Variants in ENOX1 observed in about 807,000 individuals in gnomAD.
The protein encoded by ENOX1 is ecto-NOX disulfide-thiol exchanger 1.
In ENOX1, 42 loss-of-function variants were observed where a neutral mutation model predicts 82.5. The observed-to-expected ratio is 0.51, with a 90% CI of 0.40 to 0.66. The LOEUF is 0.66. Ranked by LOEUF, ENOX1 falls within the 30% of genes least tolerant of loss-of-function variation. The pLI is 0.00. For synonymous variants in ENOX1, 271 were observed against 282.2 expected (o/e 0.96, Z 0.40); for missense variants, 608 against 811.6 (o/e 0.75, Z 3.05).
At chr13:43,666,498 A>G (rs145483249) in intron 2 of ENOX1, among the ~76,000 whole-genome samples, 1 of 152,286 alleles carries the variant, frequency 6.6e-6, no homozygotes, top group East Asian at 1.9e-4. Context: ...AGACAGTGTA[A>G]AGACACAGGG....
intron 5 of ENOX1, among the ~76,000 whole-genome samples, chr13:43,377,369 T>C (rs967520297): frequency 6.6e-6 from 1 of 152,240 alleles, no homozygotes; most frequent in Non-Finnish European, 1.5e-5. Context: ...GCCCTTGGAC[T>C]TCCCAATCTC....
At chr13:43,643,123 G>A (rs956409769) in intron 2 of ENOX1, among the ~76,000 whole-genome samples, 2 of 152,066 alleles carry the variant, frequency 1.3e-5, no homozygotes, top group South Asian at 2.1e-4. Flanking sequence ...CTGTCCTGTC[G>A]CACAAATGTG....
rs150344606 is a variant in ENOX1, at chr13:43,433,246, G to C, written c.-74-20258C>G. ...ACATGTGTGAAGAGGCAAAACCTCA[G>C]GGGCATCCTTTTTATAATAACCCAC... On this transcript the variant is annotated intron_variant, in intron 3 of 16. Coordinates refer to ENST00000690772, the MANE Select transcript of ENOX1 (RefSeq NM_001347969.2). Among the ~76,000 whole-genome samples, 220 of 152,196 alleles carry C rather than the reference G, an allele frequency of 1.4e-3. 1 individual carries two copies. Among genetic ancestry groups the C allele is most frequent in the Non-Finnish European group, 2.3e-3 (154 of 68,004 alleles).
At chr13:43,230,788 A>T (rs1013409570) in intron 15 of ENOX1, among the ~76,000 whole-genome samples, 3 of 152,164 alleles carry the variant, frequency 2.0e-5, no homozygotes, top group African/African-American at 7.2e-5. Context: ...TATACAAAAG[A>T]TGGGAGTGGG....
chr13:43,559,975 C>T (rs910125381), intron 2 of ENOX1, among the ~76,000 whole-genome samples: 1 of 152,166 alleles, frequency 6.6e-6, no homozygotes, highest in African/African-American at 2.4e-5. Flanking sequence ...GTTGGCTTCC[C>T]TCCAACCATA....
intron 5 of ENOX1, among the ~76,000 whole-genome samples, chr13:43,388,230 A>G (rs1454187402): frequency 6.6e-6 from 1 of 152,220 alleles, no homozygotes; most frequent in Non-Finnish European, 1.5e-5. Context: ...AGAGAAATTT[A>G]TCTTGCTCAG....
chr13:43,278,095 C>A (rs1445421810), intron 12 of ENOX1, among the ~76,000 whole-genome samples: 1 of 152,200 alleles, frequency 6.6e-6, no homozygotes, highest in African/African-American at 2.4e-5. Context: ...TAAGCAAAAT[C>A]ATTGATAAAA....
In ENOX1 at chr13:43,434,950, T is replaced by G. The variant is rs1416685402; in HGVS notation, c.-74-21962A>C. ...TGTGTGTGTGTGGTTTTTTTTTTTTTTTTTTTTTTTTTGTATATCTATGTA... is the reference window on the plus strand; with the variant it reads ...TGTGTGTGTGTGGTTTTTTTTTTTTGTTTTTTTTTTTTGTATATCTATGTA... On this transcript the variant is annotated intron_variant, in intron 3 of 16. Transcript: ENST00000690772. 1.2e-4 allele frequency among the ~76,000 whole-genome samples: 18 copies of G among 146,856 alleles called. No homozygotes were observed. The East Asian group carries it at 2.2e-3, about 18-fold the overall frequency.
intron 2 of ENOX1, among the ~76,000 whole-genome samples, chr13:43,526,992 A>G (rs1327502021): frequency 6.6e-6 from 1 of 151,654 alleles, no homozygotes; most frequent in East Asian, 1.9e-4. Flanking sequence ...GAAACAATGC[A>G]CTCTATTGGA....
chr13:43,630,718 A>T (rs2083167648), intron 2 of ENOX1, among the ~76,000 whole-genome samples: 1 of 152,000 alleles, frequency 6.6e-6, no homozygotes, highest in African/African-American at 2.4e-5. Flanking sequence ...AATATTTCAT[A>T]CAAAAAATAC....
At chr13:43,356,386 G>A (rs1044668372) in intron 7 of ENOX1, among the ~76,000 whole-genome samples, 16 of 152,078 alleles carry the variant, frequency 1.1e-4, no homozygotes, top group African/African-American at 3.9e-4. Context: ...CTGTCTCAGA[G>A]GGCTGCTTAC....
chr13:43,631,573 AT>A (rs1314022683), intron 2 of ENOX1, among the ~76,000 whole-genome samples: 1 of 151,808 alleles, frequency 6.6e-6, no homozygotes. Context: ...AAGGTAAGAA[AT>A]TTTTTTTTGC....
intron 2 of ENOX1, among the ~76,000 whole-genome samples, chr13:43,581,716 G>A (rs1348758677): frequency 6.6e-6 from 1 of 152,138 alleles, no homozygotes; most frequent in Non-Finnish European, 1.5e-5. Flanking sequence ...GGCCTTTACT[G>A]TGCAGAGGAG....
chr13:43,354,807 T>A (rs2050046091), intron 8 of ENOX1, among the ~76,000 whole-genome samples: 1 of 152,258 alleles, frequency 6.6e-6, no homozygotes, highest in African/African-American at 2.4e-5. Context: ...TGTGGGTTTT[T>A]ATTCTTAGGT....
At chr13:43,250,636 C>T in intron 14 of ENOX1, among the ~76,000 whole-genome samples, 1 of 152,138 alleles carries the variant, frequency 6.6e-6, no homozygotes, top group African/African-American at 2.4e-5. Context: ...CACCTCAGTT[C>T]AGTATAATTT....
intron 9 of ENOX1, among the ~76,000 whole-genome samples, chr13:43,343,029 G>A (rs937945194): frequency 1.3e-5 from 2 of 152,126 alleles, no homozygotes; most frequent in South Asian, 4.1e-4. Context: ...TGCTCATTAG[G>A]ACTATAAACT....
At chr13:43,355,405 C>T (rs1016386948) in intron 8 of ENOX1, among the ~76,000 whole-genome samples, 1 of 152,190 alleles carries the variant, frequency 6.6e-6, no homozygotes, top group Admixed American at 6.5e-5. Context: ...GGATCCCATT[C>T]TATGTTTCTT....
At chr13:43,286,079 C>T (rs1052602691) in intron 12 of ENOX1, among the ~76,000 whole-genome samples, 1 of 152,140 alleles carries the variant, frequency 6.6e-6, no homozygotes, top group Non-Finnish European at 1.5e-5. Flanking sequence ...AGCAGGACAC[C>T]TGCTATAGAC....
intron 3 of ENOX1, among the ~76,000 whole-genome samples, chr13:43,458,028 C>T (rs189887077): frequency 4.6e-5 from 7 of 152,164 alleles, no homozygotes; most frequent in Admixed American, 2.0e-4. Context: ...TGTTTATTTT[C>T]CTGCTTATAT....
Sources: allele counts gnomAD v4.1 joint callset (sites outside exome capture counted in the v4.1 genomes callset), GRCh38; gene constraint gnomAD v4.1.1; transcripts MANE v1.5; gene names NCBI Gene and HGNC (gene_info 2026-07-23, HGNC 2026-07-21).